The following HS6ST3 variants were observed in gnomAD, a reference collection of about 807,000 sequenced individuals.
HS6ST3 encodes heparan-sulfate 6-O-sulfotransferase 3.
In HS6ST3, 12 loss-of-function variants were observed where a neutral mutation model predicts 36.7. That is an observed-to-expected ratio of 0.33 (90% CI 0.21 to 0.53). The LOEUF (loss-of-function observed/expected upper bound fraction) is 0.53, where lower values mean the gene tolerates loss of function less well. Among genes scored for constraint, HS6ST3 ranks in the 20% least tolerant of loss-of-function variants. HS6ST3 has a pLI of 0.95. For synonymous variants in HS6ST3, 240 were observed against 257.5 expected (o/e 0.93, Z 0.65); for missense variants, 584 against 640.9 (o/e 0.91, Z 0.96).
At chr13:96,824,451 C>T (rs530388644) in intron 1 of HS6ST3, among the ~76,000 whole-genome samples, 32 of 152,194 alleles carry the variant, frequency 2.1e-4, no homozygotes, top group Admixed American at 1.2e-3. Flanking sequence ...TTCTTAACTT[C>T]CTTAATTTGT....
rs191421435 is a variant in HS6ST3, at chr13:96,702,455, T to A, written c.708-130035T>A. ...TAAAAGAAAATACTGTCAGTTAGTGTGTAAGTGAGCCAAATCAATAACATT... is the reference window on the plus strand; with the variant it reads ...TAAAAGAAAATACTGTCAGTTAGTGAGTAAGTGAGCCAAATCAATAACATT... On this transcript the variant is annotated intron_variant, in intron 1 of 1. Transcript: ENST00000376705. 6.0e-3 allele frequency among the ~76,000 whole-genome samples: 921 copies of A among 152,352 alleles called. 47 individuals are homozygous for A. The highest frequency in any genetic ancestry group is 0.058 in the Admixed American group (891 of 15,286).
intron 1 of HS6ST3, among the ~76,000 whole-genome samples, chr13:96,520,151 G>C (rs1464856741): frequency 6.6e-6 from 1 of 152,186 alleles, no homozygotes. Flanking sequence ...GTTTGTCAAA[G>C]ATCAGTTGGT....
intron 1 of HS6ST3, among the ~76,000 whole-genome samples, chr13:96,510,578 G>A (rs923865415): frequency 1.3e-5 from 2 of 152,110 alleles, no homozygotes; most frequent in Non-Finnish European, 2.9e-5. Flanking sequence ...CACTCTGTGA[G>A]ATTTCTTGGT....
At chr13:96,637,777 T>C (rs1485428047) in intron 1 of HS6ST3, among the ~76,000 whole-genome samples, 3 of 152,128 alleles carry the variant, frequency 2.0e-5, no homozygotes, top group Admixed American at 2.0e-4. Context: ...CCTCTCTAAA[T>C]GGTAATGACT....
chr13:96,543,145 A>G (rs1218043713), intron 1 of HS6ST3, among the ~76,000 whole-genome samples: 2 of 152,218 alleles, frequency 1.3e-5, no homozygotes, highest in Non-Finnish European at 2.9e-5. Context: ...GAATTTATTT[A>G]TCTTCCTATC....
intron 1 of HS6ST3, among the ~76,000 whole-genome samples, chr13:96,262,665 C>T (rs1009591015): frequency 6.6e-6 from 1 of 152,116 alleles, no homozygotes. Flanking sequence ...TTCAGCTAAC[C>T]TGACTGTTGT....
chr13:96,202,440 C>T lies in HS6ST3; in HGVS notation c.707+110871C>T, dbSNP rs137972179. On this transcript the variant is annotated intron_variant, in intron 1 of 1. Transcript: ENST00000376705. ...TGCCCCAATCATCTATAACCATTGACACTGCTGTCCTGTCTCTCAGTGATT... is the reference window on the plus strand; with the variant it reads ...TGCCCCAATCATCTATAACCATTGATACTGCTGTCCTGTCTCTCAGTGATT... Among the ~76,000 whole-genome samples, 464 of 152,274 alleles carry T rather than the reference C, an allele frequency of 3.0e-3. 1 individual carries two copies. The highest frequency in any genetic ancestry group is 0.01 in the African/African-American group (422 of 41,562).
At chr13:96,574,211 A>T (rs534362244) in intron 1 of HS6ST3, 142 of 498,452 alleles carry the variant, frequency 2.8e-4, no homozygotes, top group South Asian at 2.1e-3. Flanking sequence ...CTCCCTCCAT[A>T]CTAACTTTGA....
intron 1 of HS6ST3, among the ~76,000 whole-genome samples, chr13:96,365,293 CG>C (rs2055257707): frequency 6.6e-6 from 1 of 152,186 alleles, no homozygotes; most frequent in Non-Finnish European, 1.5e-5. Context: ...CCCTGTGCCA[CG>C]TGAGGCATTG....
intron 1 of HS6ST3, among the ~76,000 whole-genome samples, chr13:96,474,018 G>A (rs2055851521): frequency 6.6e-6 from 1 of 152,132 alleles, no homozygotes; most frequent in African/African-American, 2.4e-5. Flanking sequence ...GGCTTTCCTG[G>A]GAACCACAAA....
At chr13:96,526,355 T>G (rs1385832215) in intron 1 of HS6ST3, among the ~76,000 whole-genome samples, 1 of 152,186 alleles carries the variant, frequency 6.6e-6, no homozygotes, top group African/African-American at 2.4e-5. Flanking sequence ...GAAAGGTCAC[T>G]CTAGATGCTG....
intron 1 of HS6ST3, among the ~76,000 whole-genome samples, chr13:96,309,605 A>G (rs1169156978): frequency 2.6e-5 from 4 of 152,134 alleles, no homozygotes; most frequent in African/African-American, 7.2e-5. Context: ...ATTTTTCCAG[A>G]GAGAGAGAAT....
At chr13:96,655,339 A>C (rs548586312) in intron 1 of HS6ST3, among the ~76,000 whole-genome samples, 1 of 152,240 alleles carries the variant, frequency 6.6e-6, no homozygotes, top group South Asian at 2.1e-4. Context: ...TTCAGAGTCT[A>C]GTTCATTGGG....
chr13:96,605,402 G>T (rs1473553310), intron 1 of HS6ST3, among the ~76,000 whole-genome samples: 1 of 151,916 alleles, frequency 6.6e-6, no homozygotes, highest in Non-Finnish European at 1.5e-5. Context: ...ATCCCATCAG[G>T]TTTTATTTAT....
At chr13:96,411,840 TAGGGGGAGTGAGTGATAGGAAG>T (rs1566353538) in intron 1 of HS6ST3, among the ~76,000 whole-genome samples, 1 of 151,952 alleles carries the variant, frequency 6.6e-6, no homozygotes, top group East Asian at 1.9e-4. Context: ...GATAGATGAA[TAGGGGGAGTGAGTGATAGGAAG>T]AAATCTATAA....
chr13:96,394,031 G>A (rs767736181), intron 1 of HS6ST3, among the ~76,000 whole-genome samples: 20 of 152,080 alleles, frequency 1.3e-4, no homozygotes, highest in Admixed American at 3.9e-4. Context: ...TTTTTGATAG[G>A]GTACAATTTT....
chr13:96,664,137 T>C lies in HS6ST3; in HGVS notation c.708-168353T>C, dbSNP rs551112516. ...TAAATTTTGTGGTGTTATATAAAATTATACATTAATCAAGTTGTATAAAAA... is the reference window on the plus strand; with the variant it reads ...TAAATTTTGTGGTGTTATATAAAATCATACATTAATCAAGTTGTATAAAAA... On this transcript the variant is annotated intron_variant, in intron 1 of 1. Transcript: ENST00000376705. 2.0e-5 allele frequency among the ~76,000 whole-genome samples: 3 copies of C among 152,316 alleles called. No individual in the cohort carries two copies. In the East Asian group the frequency reaches 5.8e-4, roughly 29 times the overall value.
chr13:96,095,320 C>T (rs942916693), intron 1 of HS6ST3, among the ~76,000 whole-genome samples: 1 of 152,198 alleles, frequency 6.6e-6, no homozygotes, highest in East Asian at 1.9e-4. Context: ...AAGTGAGTAT[C>T]TCTCCCATTC....
intron 1 of HS6ST3, among the ~76,000 whole-genome samples, chr13:96,158,140 G>T (rs1335419566): frequency 6.6e-6 from 1 of 152,172 alleles, no homozygotes; most frequent in African/African-American, 2.4e-5. Flanking sequence ...GTAAAGGAAG[G>T]ACACCATTGT....
Sources: allele counts gnomAD v4.1 joint callset (sites outside exome capture counted in the v4.1 genomes callset), GRCh38; gene constraint gnomAD v4.1.1; transcripts MANE v1.5; gene names NCBI Gene and HGNC (gene_info 2026-07-23, HGNC 2026-07-21).